Variants in STK32B observed in about 807,000 individuals in gnomAD.
STK32B encodes the protein serine/threonine-protein kinase 32B.
A neutral mutation model predicts 52.6 loss-of-function variants in STK32B; 43 were observed. That is an observed-to-expected ratio of 0.82 (90% CI 0.64 to 1.05). The LOEUF (loss-of-function observed/expected upper bound fraction) is 1.05. Among genes scored for constraint, STK32B ranks in the 50% least tolerant of loss-of-function variants. The probability of loss-of-function intolerance (pLI) is 0.00; values close to 1 mark genes in which losing one functional copy is unlikely to be tolerated. For synonymous variants in STK32B, 238 were observed against 204.3 expected (o/e 1.17, Z -1.41); for missense variants, 621 against 534.6 (o/e 1.16, Z -1.59).
chr4:5,276,423 T>C (rs1727828915), intron 3 of STK32B, among the ~76,000 whole-genome samples: 1 of 152,188 alleles, frequency 6.6e-6, no homozygotes, highest in African/African-American at 2.4e-5. Context: ...ATACTGCCCT[T>C]GCCATGGAAG....
intron 4 of STK32B, among the ~76,000 whole-genome samples, chr4:5,349,418 G>T (rs1733686089): frequency 6.6e-6 from 1 of 152,076 alleles, no homozygotes; most frequent in Admixed American, 6.6e-5. Flanking sequence ...CTACACTGCT[G>T]CACCCACCCA....
At chr4:5,113,241 T>A (rs1029756736) in intron 1 of STK32B, among the ~76,000 whole-genome samples, 6 of 152,108 alleles carry the variant, frequency 3.9e-5, no homozygotes, top group Admixed American at 6.6e-5. Context: ...TTTCACCATG[T>A]GAGGACACAG....
chr4:5,352,106 A>C (rs191307649), intron 4 of STK32B, among the ~76,000 whole-genome samples: 1 of 152,230 alleles, frequency 6.6e-6, no homozygotes, highest in East Asian at 1.9e-4. Context: ...TGAGGACAGC[A>C]TTACCTTGAT....
Position 5,317,541 on chromosome 4 carries a change from A to G in STK32B, c.261-13679A>G, listed in dbSNP as rs183071434. 8.1e-3 allele frequency among the ~76,000 whole-genome samples: 941 copies of G among 116,478 alleles called. 70 individuals are homozygous for G. In the East Asian group the frequency reaches 0.11, roughly 13 times the overall value. The allele number at this position is 116,478 out of a possible 152,430, so 76.4% of individuals were successfully genotyped here. On this transcript the variant is annotated intron_variant, in intron 3 of 11. Coordinates refer to ENST00000282908, the MANE Select transcript of STK32B (RefSeq NM_018401.3). The stretch of plus-strand genomic sequence containing the variant: ...TATTTATTATATATATATTACATGT[A>G]TATATATATATATATATAACTTGAA...
chr4:5,474,113 CA>C (rs980494520), intron 11 of STK32B, among the ~76,000 whole-genome samples: 1 of 149,058 alleles, frequency 6.7e-6, no homozygotes, highest in Non-Finnish European at 1.5e-5. Flanking sequence ...GACTCTGTCT[CA>C]AAAAAAAAGA....
rs1371246116 is a variant in STK32B at position 5,400,685 on chromosome 4, T to G, written c.472+2441T>G. Among the ~76,000 whole-genome samples the G allele has an allele frequency of 6.6e-6, 1 of 152,168 alleles. No individual in the cohort carries two copies. Among genetic ancestry groups the G allele is most frequent in the Non-Finnish European group, 1.5e-5 (1 of 68,024 alleles). ...CTCAGAAAAAGAAGAGTCTCCTTTC[T>G]GGGGAGAGAAGAGAAAGAGAGAATT... On this transcript the variant is annotated intron_variant, in intron 5 of 11. Transcript: ENST00000282908. This position sits in a 1 kb window ranked among gnomAD's most constrained non-coding sequence, Gnocchi z 6.1.
At chr4:5,050,332 A>G (rs1741712217), upstream of STK32B, among the ~76,000 whole-genome samples, 1 of 152,200 alleles carries the variant, frequency 6.6e-6, no homozygotes, top group African/African-American at 2.4e-5. Context: ...TTGCCAGTAA[A>G]TGGTAGAGCC....
At chr4:5,474,506 G>T (rs1259132320) in intron 11 of STK32B, among the ~76,000 whole-genome samples, 2 of 152,206 alleles carry the variant, frequency 1.3e-5, no homozygotes, top group African/African-American at 4.8e-5. Context: ...GAAAAGGAAA[G>T]GTTAGTCCTT....
chr4:5,184,555 G>T lies in STK32B; in HGVS notation c.260+16105G>T, dbSNP rs888974250. Reference sequence around the variant, plus strand: ...ATACAAAAGTTAGCTGGGCGTGGTGGTGCATGCCTGTAATCCCAGCTACTT... The same window carrying T: ...ATACAAAAGTTAGCTGGGCGTGGTGTTGCATGCCTGTAATCCCAGCTACTT... On this transcript the variant is annotated intron_variant, in intron 3 of 11. Coordinates refer to ENST00000282908, the MANE Select transcript of STK32B (RefSeq NM_018401.3). 2.0e-5 allele frequency among the ~76,000 whole-genome samples: 3 copies of T among 151,882 alleles called. No individual in the cohort carries two copies. In the East Asian group the frequency reaches 5.8e-4, roughly 29 times the overall value.
chr4:5,456,657 C>T lies in STK32B; in HGVS notation c.667-150C>T, dbSNP rs980695494. On this transcript the variant is annotated intron_variant, in intron 7 of 11. Coordinates refer to ENST00000282908, the MANE Select transcript of STK32B (RefSeq NM_018401.3). ...CCTGGTTACTGTTGGCACTTGGGTT[C>T]GGGCCACCTGCTCTGCCGTGAAAGA... is the stretch of plus-strand genomic sequence containing the variant. 3.3e-5 allele frequency: 23 copies of T among 686,790 alleles called. No homozygotes were observed. The Admixed American group carries it at 4.8e-4, about 14-fold the overall frequency. The allele number at this position is 686,790 out of a possible 1,614,324, so 42.5% of individuals were successfully genotyped here.
intron 3 of STK32B, among the ~76,000 whole-genome samples, chr4:5,330,005 G>A (rs1577355594): frequency 6.6e-6 from 1 of 152,182 alleles, no homozygotes; most frequent in South Asian, 2.1e-4. Context: ...GGAACATAGT[G>A]TGGGTGCATT....
At chr4:5,406,863 C>G (rs960534571) in intron 5 of STK32B, among the ~76,000 whole-genome samples, 2 of 152,126 alleles carry the variant, frequency 1.3e-5, no homozygotes, top group Non-Finnish European at 2.9e-5. Flanking sequence ...GGCATTTTCC[C>G]CATTGTCTTG....
At chr4:5,324,682 A>G (rs75798756) in intron 3 of STK32B, among the ~76,000 whole-genome samples, 5,773 of 152,276 alleles carry the variant, frequency 0.038, 314 homozygotes, top group Admixed American at 0.16. Context: ...ACATTGTCCA[A>G]TGTTCCCAGG....
intron 1 of STK32B, among the ~76,000 whole-genome samples, chr4:5,100,699 TTCCTTCCTTTCTTCCTTCCC>T (rs142907245): frequency 4.8e-5 from 2 of 41,924 alleles, no homozygotes; most frequent in South Asian, 1.0e-3. Context: ...CTTTCTTTCC[TTCCTTCCTTTCTTCCTTCCC>T]TCCTTCCCTT....
At chr4:5,393,003 TTTC>T (rs1299392477) in intron 4 of STK32B, among the ~76,000 whole-genome samples, 2 of 152,094 alleles carry the variant, frequency 1.3e-5, no homozygotes, top group East Asian at 3.8e-4. Flanking sequence ...TGTGTTGTCA[TTTC>T]TTAATTGTCA....
At chr4:5,147,425 A>G (rs552128933) in intron 2 of STK32B, among the ~76,000 whole-genome samples, 31 of 152,204 alleles carry the variant, frequency 2.0e-4, no homozygotes, top group South Asian at 6.2e-4. Context: ...TGCTTTTTAA[A>G]TCTTTATTGC....
At chr4:5,079,975 G>A (rs1187167616) in intron 1 of STK32B, among the ~76,000 whole-genome samples, 1 of 152,154 alleles carries the variant, frequency 6.6e-6, no homozygotes, top group African/African-American at 2.4e-5. Flanking sequence ...GGGGAATATA[G>A]GGGGCTGTTG....
chr4:5,054,842 C>T (rs760672086), intron 1 of STK32B, among the ~76,000 whole-genome samples: 3 of 152,126 alleles, frequency 2.0e-5, no homozygotes, highest in African/African-American at 2.4e-5. Context: ...GTGACAGGAC[C>T]GTCATCCACA....
chr4:5,243,514 T>G (rs979164572), intron 3 of STK32B, among the ~76,000 whole-genome samples: 14 of 152,286 alleles, frequency 9.2e-5, no homozygotes, highest in African/African-American at 3.4e-4. Context: ...TACAATCATG[T>G]CATCTGCAAA....
Sources: allele counts gnomAD v4.1 joint callset (sites outside exome capture counted in the v4.1 genomes callset), GRCh38; gene constraint gnomAD v4.1.1; non-coding constraint Gnocchi (gnomAD v3.1); transcripts MANE v1.5; gene names NCBI Gene and HGNC (gene_info 2026-07-23, HGNC 2026-07-21).